The following GALNT13 variants were observed in gnomAD, a reference collection of about 807,000 sequenced individuals.
GALNT13 encodes the protein polypeptide N-acetylgalactosaminyltransferase 13.
Under a neutral mutation model 64.2 loss-of-function variants are expected in GALNT13, and 28 were observed. The ratio of observed to expected loss-of-function variants is 0.44; its 90% CI spans 0.32 to 0.60. The LOEUF (loss-of-function observed/expected upper bound fraction) is 0.60. Among genes scored for constraint, GALNT13 ranks in the 20% least tolerant of loss-of-function variants. The pLI is 0.05. For synonymous variants in GALNT13, 214 were observed against 224.6 expected (o/e 0.95, Z 0.42); for missense variants, 577 against 669.8 (o/e 0.86, Z 1.53).
At chr2:153,920,993 T>C (rs996918492) in intron 2 of GALNT13, among the ~76,000 whole-genome samples, 2 of 152,150 alleles carry the variant, frequency 1.3e-5, no homozygotes, top group Non-Finnish European at 2.9e-5. Context: ...TGGAAGGTTG[T>C]GGAGAAAAGG....
At chr2:154,141,297 A>T (rs1683243997) in intron 4 of GALNT13, among the ~76,000 whole-genome samples, 1 of 152,118 alleles carries the variant, frequency 6.6e-6, no homozygotes, top group Non-Finnish European at 1.5e-5. Context: ...TTCAGTAATG[A>T]ATTAACCTTA....
the GALNT13 span, among the ~76,000 whole-genome samples, chr2:153,650,410 CTT>C: frequency 0.25 from 38,238 of 151,868 alleles, 5,384 homozygotes; most frequent in Admixed American, 0.37. Context: ...GATCTTGACT[CTT>C]TGTCCAATTT....
chr2:154,071,345 C>G (rs189604590), intron 3 of GALNT13, among the ~76,000 whole-genome samples: 3 of 152,208 alleles, frequency 2.0e-5, no homozygotes, highest in Admixed American at 1.3e-4. Flanking sequence ...ATTTCTGGGT[C>G]TTTGTGTTAC....
chr2:153,510,933 G>A, the GALNT13 span, among the ~76,000 whole-genome samples: 1 of 151,920 alleles, frequency 6.6e-6, no homozygotes, highest in African/African-American at 2.4e-5. Flanking sequence ...GTGGTATCTC[G>A]CAATGGAGCA....
chr2:153,749,761 A>T, the GALNT13 span, among the ~76,000 whole-genome samples: 2 of 151,942 alleles, frequency 1.3e-5, no homozygotes, highest in African/African-American at 4.8e-5. Flanking sequence ...CAAATATAAG[A>T]TCATATCATC....
At chr2:154,343,097 G>T (rs1695865322) in intron 9 of GALNT13, among the ~76,000 whole-genome samples, 1 of 151,858 alleles carries the variant, frequency 6.6e-6, no homozygotes, top group Admixed American at 6.6e-5. Context: ...TTTTACATCT[G>T]GGATCTCTTT....
chr2:153,682,867 T>C, the GALNT13 span, among the ~76,000 whole-genome samples: 1 of 151,772 alleles, frequency 6.6e-6, no homozygotes, highest in African/African-American at 2.4e-5. Context: ...TTGTTTTATT[T>C]AGTTTAATTA....
chr2:154,307,608 A>ATT (rs34371448), intron 9 of GALNT13, among the ~76,000 whole-genome samples: 7 of 150,218 alleles, frequency 4.7e-5, no homozygotes, highest in African/African-American at 1.2e-4. Flanking sequence ...TCAAGAATAG[A>ATT]TTTTTTTTTT....
At chr2:153,879,212 C>T (rs966947280) in intron 1 of GALNT13, among the ~76,000 whole-genome samples, 1 of 152,064 alleles carries the variant, frequency 6.6e-6, no homozygotes, top group African/African-American at 2.4e-5. Flanking sequence ...ATCATAAAGA[C>T]CTTCAAAAGT....
At chr2:153,624,589 A>T in the GALNT13 span, among the ~76,000 whole-genome samples, 1 of 152,070 alleles carries the variant, frequency 6.6e-6, no homozygotes, top group East Asian at 1.9e-4. Flanking sequence ...GTAGAGTCCA[A>T]CAGTGTCTCA....
chr2:153,231,947 G>A, the GALNT13 span, among the ~76,000 whole-genome samples: 2 of 152,174 alleles, frequency 1.3e-5, no homozygotes, highest in Middle Eastern at 3.4e-3. Context: ...CTTGTCTCCC[G>A]ATTGCATATG....
At chr2:153,839,995 G>A in the GALNT13 span, among the ~76,000 whole-genome samples, 1 of 152,032 alleles carries the variant, frequency 6.6e-6, no homozygotes, top group African/African-American at 2.4e-5. Flanking sequence ...AAAGGTGATA[G>A]GATAGGAGAT....
the GALNT13 span, among the ~76,000 whole-genome samples, chr2:153,723,004 G>A: frequency 2.0e-5 from 3 of 151,988 alleles, no homozygotes; most frequent in Admixed American, 6.6e-5. Context: ...ACAACCAAAA[G>A]AGAGAATTTA....
chr2:153,543,895 C>T, the GALNT13 span, among the ~76,000 whole-genome samples: 6 of 152,204 alleles, frequency 3.9e-5, no homozygotes, highest in African/African-American at 1.4e-4. Context: ...CACTTCTGCT[C>T]CCTGGAGGCG....
the GALNT13 span, among the ~76,000 whole-genome samples, chr2:153,171,124 G>C: frequency 3.9e-5 from 6 of 152,206 alleles, no homozygotes; most frequent in Non-Finnish European, 7.3e-5. Context: ...GTATCAGCCT[G>C]GGGCTGAATC....
chr2:154,174,236 CAG>C (rs1186324915), intron 4 of GALNT13, among the ~76,000 whole-genome samples: 1 of 152,148 alleles, frequency 6.6e-6, no homozygotes, highest in Non-Finnish European at 1.5e-5. Flanking sequence ...TAGACTACCT[CAG>C]AGTGTTTTCA....
chr2:153,864,185 A>G, the GALNT13 span, among the ~76,000 whole-genome samples: 2 of 152,092 alleles, frequency 1.3e-5, no homozygotes, highest in Non-Finnish European at 2.9e-5. Flanking sequence ...CATTACCACA[A>G]ATTTTGTTGG....
intron 8 of GALNT13, among the ~76,000 whole-genome samples, chr2:154,280,038 T>G (rs1005787379): frequency 2.6e-5 from 4 of 152,170 alleles, no homozygotes; most frequent in African/African-American, 9.7e-5. Context: ...AAGTACTTAT[T>G]TGAAGCAAAA....
chr2:154,186,840 A>C (rs1052554487), intron 4 of GALNT13, among the ~76,000 whole-genome samples: 15 of 152,102 alleles, frequency 9.9e-5, no homozygotes, highest in African/African-American at 3.6e-4. Flanking sequence ...AAACCAAATC[A>C]TATAGGAAGC....
Sources: allele counts gnomAD v4.1 joint callset (sites outside exome capture counted in the v4.1 genomes callset), GRCh38; gene constraint gnomAD v4.1.1; transcripts MANE v1.5; gene names NCBI Gene and HGNC (gene_info 2026-07-23, HGNC 2026-07-21).